The following IL15RA variants were observed in gnomAD, a reference collection of about 807,000 sequenced individuals.
IL15RA encodes the protein interleukin-15 receptor subunit alpha.
In IL15RA, 26 loss-of-function variants were observed where a neutral mutation model predicts 24.2. The observed-to-expected ratio is 1.07, with a 90% confidence interval of 0.79 to 1.49. IL15RA has a LOEUF of 1.49. Ranked by LOEUF, IL15RA falls within the 40% of genes most tolerant of loss-of-function variation. The pLI is 0.00. For missense variants in IL15RA, 354 were observed against 356.4 expected (o/e 0.99, Z 0.05); for synonymous variants, 166 against 157.6 (o/e 1.05, Z -0.40).
At chr10:5,951,788 G>C (rs888459587), downstream of IL15RA, among the ~76,000 whole-genome samples, 1 of 152,150 alleles carries the variant, frequency 6.6e-6, no homozygotes, top group Admixed American at 6.5e-5. Context: ...TCTCGCCATT[G>C]CACTCCAGCC....
chr10:5,956,038 A>T (rs1589159891), intron 6 of IL15RA, among the ~76,000 whole-genome samples: 1 of 152,034 alleles, frequency 6.6e-6, no homozygotes, highest in Admixed American at 6.6e-5. Context: ...TTTTTGAGAC[A>T]GAGTCTTGCT....
intron 1 of IL15RA, among the ~76,000 whole-genome samples, chr10:5,976,228 C>T (rs1008734377): frequency 3.5e-5 from 5 of 144,498 alleles, no homozygotes; most frequent in African/African-American, 1.3e-4. Context: ...ATCCAAGCAT[C>T]AGAGTCTCAT....
rs1214310433 is a variant in IL15RA, at chr10:5,970,461, G to A, written c.89-4122C>T. Among the ~76,000 whole-genome samples, 1 of 152,194 alleles carries A rather than the reference G, an allele frequency of 6.6e-6. No individual in the cohort carries two copies. The highest frequency in any genetic ancestry group is 1.5e-5 in the Non-Finnish European group (1 of 68,036). Reference sequence around the variant, plus strand: ...TCATTTCTGGGTGTTTTTGTAGCAGGAGGGTTTTTTGGTATCTACTCTGTC... The same window carrying A: ...TCATTTCTGGGTGTTTTTGTAGCAGAAGGGTTTTTTGGTATCTACTCTGTC... On this transcript the variant is annotated intron_variant, in intron 1 of 6. Transcript: ENST00000379977. The surrounding 1 kb of genome is among the most constrained non-coding windows in gnomAD (Gnocchi z 4.1).
rs377470890 is a variant in IL15RA, at chr10:5,966,202, C to G, written c.226G>C (p.Val76Leu). The G allele has an allele frequency of 6.2e-7, 1 of 1,613,918 alleles. No individual in the cohort carries two copies. The highest frequency in any genetic ancestry group is 8.5e-7 in the Non-Finnish European group (1 of 1,179,806). ...GCGACATTCGTGGCCTTGTTCAACACGCACTCCGTCAGGCTGGACGTGCCG... is the reference window on the plus strand; with the variant it reads ...GCGACATTCGTGGCCTTGTTCAACAGGCACTCCGTCAGGCTGGACGTGCCG... ...KAGTSSLTEC[V>L]LNKATNVAHW... The change falls in exon 2 of 7, where the codon GTG becomes CTG. Residue 76 changes from valine to leucine, a missense_variant. Physicochemically the swap from Val to Leu is conservative, Grantham distance 32 (BLOSUM62 1). Transcript: ENST00000379977. The surrounding 1 kb of genome is among the most constrained non-coding windows in gnomAD (Gnocchi z 6.4).
chr10:5,949,902 C>T (rs1833756839), downstream of IL15RA, among the ~76,000 whole-genome samples: 1 of 151,996 alleles, frequency 6.6e-6, no homozygotes, highest in Non-Finnish European at 1.5e-5. This position sits in a 1 kb window ranked among gnomAD's most constrained non-coding sequence, Gnocchi z 4.4. Context: ...TCGAGACCAG[C>T]CTGGCCAACA....
At position 5,960,616 on chromosome 10, in the gene IL15RA, C is replaced by T. The variant is rs201825737; in HGVS notation, c.383-49G>A. The stretch of plus-strand genomic sequence containing the variant: ...ACAACATCAGTGTGCAGACTCCCCT[C>T]CTCTCAGCTGCAGCACGGGGTGATG... On this transcript the variant is annotated intron_variant, in intron 3 of 6. Coordinates refer to ENST00000379977, the MANE Select transcript of IL15RA (RefSeq NM_002189.4). The surrounding 1 kb of genome is among the most constrained non-coding windows in gnomAD (Gnocchi z 5.1). 491 of 1,508,480 alleles carry T rather than the reference C, an allele frequency of 3.3e-4. No individual in the cohort carries two copies. Among genetic ancestry groups the T allele is most frequent in the South Asian group, 5.5e-4 (48 of 87,432 alleles). 93.4% of individuals were successfully genotyped at this position (1,508,480 alleles called of 1,614,324 possible).
In IL15RA at chr10:5,961,191, G is replaced by A. The variant is rs149856505; in HGVS notation, c.383-624C>T. Reference sequence around the variant, plus strand: ...TGGCCTCCCAAAGTGCTGGGATTACGGGCGAGAGCCACTGTGCCCTGCCGC... The same window carrying A: ...TGGCCTCCCAAAGTGCTGGGATTACAGGCGAGAGCCACTGTGCCCTGCCGC... On this transcript the variant is annotated intron_variant, in intron 3 of 6. Transcript: ENST00000379977. The surrounding 1 kb of genome is among the most constrained non-coding windows in gnomAD (Gnocchi z 5.2). Among the ~76,000 whole-genome samples, 315 of 152,132 alleles carry A rather than the reference G, an allele frequency of 2.1e-3. 7 individuals are homozygous for A. In the East Asian group the frequency reaches 0.056, roughly 27 times the overall value.
Position 5,975,967 on chromosome 10 carries a change from T to C in IL15RA, c.88+1438A>G, listed in dbSNP as rs927250936. On this transcript the variant is annotated intron_variant, in intron 1 of 6. Coordinates refer to ENST00000379977, the MANE Select transcript of IL15RA (RefSeq NM_002189.4). This position sits in a 1 kb window ranked among gnomAD's most constrained non-coding sequence, Gnocchi z 4.8. ...GCTTTGGGAAGGGAAGGTAGCAACA[T>C]CTTTCTAAGGTCAAAGGGCAAGGCT... Among the ~76,000 whole-genome samples, 1 of 152,104 alleles carries C rather than the reference T, an allele frequency of 6.6e-6. No homozygotes were observed. Among genetic ancestry groups the C allele is most frequent in the African/African-American group, 2.4e-5 (1 of 41,432 alleles).
downstream of IL15RA, among the ~76,000 whole-genome samples, chr10:5,949,999 G>A (rs572439476): frequency 6.6e-6 from 1 of 152,228 alleles, no homozygotes; most frequent in African/African-American, 2.4e-5. The surrounding 1 kb of genome is among the most constrained non-coding windows in gnomAD (Gnocchi z 4.4). Flanking sequence ...GGGAGGCTGA[G>A]GCAGGAGGAT....
At position 5,968,777 on chromosome 10, in the gene IL15RA, T is replaced by G; in HGVS notation, c.89-2438A>C. The G allele has an allele frequency of 1.4e-6, 1 of 704,798 alleles. No homozygotes were observed. The highest frequency in any genetic ancestry group is 1.5e-5 in the South Asian group (1 of 67,636). The allele number at this position is 704,798 out of a possible 1,614,324, so 43.7% of individuals were successfully genotyped here. On this transcript the variant is annotated intron_variant, in intron 1 of 6. Coordinates refer to ENST00000379977, the MANE Select transcript of IL15RA (RefSeq NM_002189.4). This position sits in a 1 kb window ranked among gnomAD's most constrained non-coding sequence, Gnocchi z 5.4. ...CTCCATGATAGATGGCTGTGCTACC[T>G]GCTTGCTGCCTGCTTGTCCGATGGT... is the stretch of plus-strand genomic sequence containing the variant.
chr10:5,949,681 C>T (rs573911026), downstream of IL15RA, among the ~76,000 whole-genome samples: 9 of 152,150 alleles, frequency 5.9e-5, no homozygotes, highest in South Asian at 8.3e-4. This position sits in a 1 kb window ranked among gnomAD's most constrained non-coding sequence, Gnocchi z 4.4. Context: ...AGGGTTTAAA[C>T]GGGGAAAGTC....
rs1178013384 is a variant in IL15RA at position 5,961,762 on chromosome 10, A to C, written c.383-1195T>G. ...CCTCTCCATGAAAAATGTGTCTTCC[A>C]TTGTGACAGCCACGGAATCTAGGAA... is the stretch of plus-strand genomic sequence containing the variant. On this transcript the variant is annotated intron_variant, in intron 3 of 6. Coordinates refer to ENST00000379977, the MANE Select transcript of IL15RA (RefSeq NM_002189.4). This position sits in a 1 kb window ranked among gnomAD's most constrained non-coding sequence, Gnocchi z 5.2. Among the ~76,000 whole-genome samples, 1 of 152,234 alleles carries C rather than the reference A, an allele frequency of 6.6e-6. No individual in the cohort carries two copies. The highest frequency in any genetic ancestry group is 2.4e-5 in the African/African-American group (1 of 41,462).
Position 5,977,417 on chromosome 10 carries a change from G to T in IL15RA, c.76C>A (p.Pro26Thr). ...ALLLLLLLRP[P>T]ATRGITCPPP... ...CCCAGCTCCCTACCCCGCGTCGCCGGCGGCCGGAGCAGCAGCAGCAGTAGC... is the reference window on the plus strand; with the variant it reads ...CCCAGCTCCCTACCCCGCGTCGCCGTCGGCCGGAGCAGCAGCAGCAGTAGC... The change falls in exon 1 of 7, where the codon CCG (proline) becomes ACG (threonine). Residue 26 changes from proline to threonine, a missense_variant. Physicochemically the swap from Pro to Thr is conservative, Grantham distance 38. Coordinates refer to ENST00000379977, the MANE Select transcript of IL15RA (RefSeq NM_002189.4). The T allele has an allele frequency of 7.5e-7, 1 of 1,340,802 alleles. No individual in the cohort carries two copies. Among genetic ancestry groups the T allele is most frequent in the Non-Finnish European group, 9.5e-7 (1 of 1,047,966 alleles). The allele number at this position is 1,340,802 out of a possible 1,614,324, so 83.1% of individuals were successfully genotyped here. A position where few individuals can be genotyped will look rare whatever the true frequency, so the allele number is the denominator to read the frequency against.
chr10:5,957,305 T>G (rs960202826), intron 5 of IL15RA, among the ~76,000 whole-genome samples: 1 of 151,988 alleles, frequency 6.6e-6, no homozygotes, highest in Non-Finnish European at 1.5e-5. Context: ...AGATGAAGTG[T>G]CATTTTGTTG....
chr10:5,952,660 C>T lies in IL15RA; in HGVS notation c.*435G>A, dbSNP rs781484542. 10 of 192,772 alleles carry T rather than the reference C, an allele frequency of 5.2e-5. No homozygotes were observed. The highest frequency in any genetic ancestry group is 1.0e-4 in the South Asian group (1 of 9,580). The allele number at this position is 192,772 out of a possible 1,614,324, so 11.9% of individuals were successfully genotyped here. A position where few individuals can be genotyped will look rare whatever the true frequency, so the allele number is the denominator to read the frequency against. The stretch of plus-strand genomic sequence containing the variant: ...CAAACGCTGGTGTCTTCCCTGTAGA[C>T]GTCTCCCACGCCAGGAGAAGCCTTG... On this transcript the variant is annotated 3_prime_UTR_variant, in exon 7 of 7. Transcript: ENST00000379977.
chr10:5,960,697 G>A lies in IL15RA; in HGVS notation c.383-130C>T. On this transcript the variant is annotated intron_variant, in intron 3 of 6. Coordinates refer to ENST00000379977, the MANE Select transcript of IL15RA (RefSeq NM_002189.4). The surrounding 1 kb of genome is among the most constrained non-coding windows in gnomAD (Gnocchi z 5.1). ...AGCCCTCCCTCTCTCACAGCCAACT[G>A]CTCCTTGAGAGGGTGACATAGCCGT... 4 of 739,068 alleles carry A rather than the reference G, an allele frequency of 5.4e-6. No homozygotes were observed. Among genetic ancestry groups the A allele is most frequent in the Non-Finnish European group, 9.4e-6 (4 of 425,628 alleles). 45.8% of individuals were successfully genotyped at this position (739,068 alleles called of 1,614,324 possible).
intron 1 of IL15RA, chr10:5,969,069 T>C: frequency 8.8e-7 from 1 of 1,140,268 alleles, no homozygotes; most frequent in Non-Finnish European, 1.2e-6. Context: ...ATTCCATCGA[T>C]CTATGTGTCT....
Position 5,977,489 on chromosome 10 carries a change from C to A in IL15RA, c.4G>T (p.Ala2Ser). The A allele has an allele frequency of 7.4e-7, 1 of 1,355,696 alleles. No homozygotes were observed. The highest frequency in any genetic ancestry group is 1.8e-5 in the South Asian group (1 of 56,202). 84.0% of individuals were successfully genotyped at this position (1,355,696 alleles called of 1,614,324 possible). M[A>S]PRRARGCRTL... ...CGGCAGCCGCGCGCCCGCCGCGGGG[C>A]CATGGCGGCAGCTCCACAGGACACC... Residue 2 changes from alanine (A) to serine (S), a missense_variant, in exon 1 of 7, where the codon GCC becomes TCC. Coordinates refer to ENST00000379977, the MANE Select transcript of IL15RA (RefSeq NM_002189.4).
rs895102668 is a variant in IL15RA at position 5,961,550 on chromosome 10, C to T, written c.383-983G>A. ...TGGCCGAGGACGCTCGGAGCGGCTG[C>T]GTGTGAAACACGGGAAGCCTGGGCT... On this transcript the variant is annotated intron_variant, in intron 3 of 6. Transcript: ENST00000379977. The surrounding 1 kb of genome is among the most constrained non-coding windows in gnomAD (Gnocchi z 5.2). Among the ~76,000 whole-genome samples the T allele has an allele frequency of 2.6e-5, 4 of 152,248 alleles. No homozygotes were observed. The highest frequency in any genetic ancestry group is 1.9e-4 in the East Asian group (1 of 5,198).
Sources: allele counts gnomAD v4.1 joint callset (sites outside exome capture counted in the v4.1 genomes callset), GRCh38; gene constraint gnomAD v4.1.1; non-coding constraint Gnocchi (gnomAD v3.1); transcripts MANE v1.5; gene names NCBI Gene and HGNC (gene_info 2026-07-23, HGNC 2026-07-21).